The following RBM33 variants were observed in gnomAD, a reference collection of about 807,000 sequenced individuals.
RBM33 encodes RNA binding motif protein 33.
In RBM33, 28 loss-of-function variants were observed where a neutral mutation model predicts 132.6. That is an observed-to-expected ratio of 0.21 (90% CI 0.16 to 0.29). The LOEUF is 0.29. RBM33 is among the 10% of genes least tolerant of loss of function. The pLI, the probability that RBM33 is intolerant of heterozygous loss-of-function variation, is 1.00. For missense variants in RBM33, 1,291 were observed against 1,518.5 expected (o/e 0.85, Z 2.49); for synonymous variants, 634 against 593.0 (o/e 1.07, Z -1.01).
chr7:155,685,156 G>T, intron 5 of RBM33: 1 of 1,185,562 alleles, frequency 8.4e-7, no homozygotes, highest in East Asian at 2.6e-5. Flanking sequence ...ACGTATCTTT[G>T]AACTGTGAGT....
rs760791205 is a variant in RBM33 at position 155,740,036 on chromosome 7, A to G, written c.2049+10A>G. 1.3e-6 allele frequency: 2 copies of G among 1,525,848 alleles called. No homozygotes were observed. Among genetic ancestry groups the G allele is most frequent in the Non-Finnish European group, 1.8e-6 (2 of 1,130,360 alleles). 94.5% of individuals were successfully genotyped at this position (1,525,848 alleles called of 1,614,324 possible). A position where few individuals can be genotyped will look rare whatever the true frequency, so the allele number is the denominator to read the frequency against. ...CCAGGGGCTCCGGCATGTAAGTGTCAAGGGGTGTCTTCCCTGTGTCTTCCT... is the reference window on the plus strand; with the variant it reads ...CCAGGGGCTCCGGCATGTAAGTGTCGAGGGGTGTCTTCCCTGTGTCTTCCT... On this transcript the variant is annotated intron_variant, in intron 12 of 17. Transcript: ENST00000401878.
chr7:155,687,362 C>G (rs937348048), intron 5 of RBM33, among the ~76,000 whole-genome samples: 104 of 152,252 alleles, frequency 6.8e-4, no homozygotes, highest in African/African-American at 2.3e-3. Context: ...GTTCATTGTA[C>G]ATTCTGGATA....
intron 6 of RBM33, 52 bp downstream of exon 6, chr7:155,700,996 C>A: frequency 7.0e-7 from 1 of 1,425,252 alleles, no homozygotes; most frequent in Non-Finnish European, 9.8e-7. Flanking sequence ...TCAACTTCCT[C>A]CATAGTATTG....
intron 8 of RBM33, among the ~76,000 whole-genome samples, chr7:155,713,315 A>G (rs910573738): frequency 1.3e-5 from 2 of 151,956 alleles, no homozygotes; most frequent in South Asian, 4.2e-4. Context: ...GTTGTTGGTG[A>G]ATAGGTGGAT....
intron 1 of RBM33, among the ~76,000 whole-genome samples, chr7:155,650,939 G>A (rs535442503): frequency 6.6e-6 from 1 of 152,258 alleles, no homozygotes; most frequent in Non-Finnish European, 1.5e-5. Context: ...TTGTAGTGGT[G>A]TGATCTCAGC....
intron 9 of RBM33, among the ~76,000 whole-genome samples, chr7:155,736,770 A>G (rs989548355): frequency 1.3e-5 from 2 of 152,244 alleles, no homozygotes; most frequent in African/African-American, 4.8e-5. Context: ...AATAGCAAAG[A>G]TGAGCATCTT....
chr7:155,751,113 T>C (rs972380722), intron 14 of RBM33, among the ~76,000 whole-genome samples: 2 of 152,236 alleles, frequency 1.3e-5, no homozygotes, highest in Non-Finnish European at 2.9e-5. Context: ...CTGATCCGTT[T>C]TGTGGAGCTT....
intron 1 of RBM33, among the ~76,000 whole-genome samples, chr7:155,656,730 T>C (rs1798502532): frequency 6.6e-6 from 1 of 152,236 alleles, no homozygotes; most frequent in Admixed American, 6.5e-5. Context: ...CTTTTTGTCA[T>C]TAAAATATGT....
intron 9 of RBM33, among the ~76,000 whole-genome samples, chr7:155,719,137 G>C (rs1800550983): frequency 6.6e-6 from 1 of 152,014 alleles, no homozygotes; most frequent in South Asian, 2.1e-4. Context: ...TTTTGGTTCA[G>C]TGTGTAGTTT....
intron 9 of RBM33, among the ~76,000 whole-genome samples, chr7:155,727,362 C>T (rs1800823327): frequency 2.6e-5 from 4 of 152,182 alleles, no homozygotes; most frequent in Non-Finnish European, 5.9e-5. Flanking sequence ...TTTAGCTGGG[C>T]GGTGTTGTCC....
intron 5 of RBM33, among the ~76,000 whole-genome samples, chr7:155,687,465 A>G (rs1799513975): frequency 6.6e-6 from 1 of 152,184 alleles, no homozygotes; most frequent in African/African-American, 2.4e-5. Context: ...TGCTGTGCAG[A>G]AGCTCTTTAC....
chr7:155,725,002 G>T lies in RBM33; in HGVS notation c.1260+6559G>T, dbSNP rs1326515062. ...TTTGTGTACAGGTTTGTGTGTGTGT[G>T]TGTGTGTGTGTGTGTGTGTGTGTGT... On this transcript the variant is annotated intron_variant, in intron 9 of 17. Coordinates refer to ENST00000401878, the MANE Select transcript of RBM33 (RefSeq NM_053043.3). 1.2e-3 allele frequency among the ~76,000 whole-genome samples: 159 copies of T among 129,458 alleles called. 2 individuals carry two copies. Among genetic ancestry groups the T allele is most frequent in the Middle Eastern group, 7.5e-3 (2 of 268 alleles). The allele number at this position is 129,458 out of a possible 152,430, so 84.9% of individuals were successfully genotyped here. A position where few individuals can be genotyped will look rare whatever the true frequency, so the allele number is the denominator to read the frequency against.
At position 155,777,143 on chromosome 7, in the gene RBM33, C is replaced by CT. The variant is rs1802640512; in HGVS notation, c.*2108dup. 6.6e-6 allele frequency: 1 copy of CT among 152,074 alleles called. No individual in the cohort carries two copies. The highest frequency in any genetic ancestry group is 1.5e-5 in the Non-Finnish European group (1 of 67,974). 9.4% of individuals were successfully genotyped at this position (152,074 alleles called of 1,614,324 possible). Reference sequence around the variant, plus strand: ...TCTGAAAAGTAGGCATTGAAACAGACTTTTTTGTAGTCAGTGTTAATAAAA... The same window carrying CT: ...TCTGAAAAGTAGGCATTGAAACAGACTTTTTTTGTAGTCAGTGTTAATAAAA... On this transcript the variant is annotated 3_prime_UTR_variant, in exon 18 of 18. Transcript: ENST00000401878.
intron 9 of RBM33, among the ~76,000 whole-genome samples, chr7:155,718,727 TAGTG>T (rs1357902924): frequency 2.0e-5 from 3 of 152,146 alleles, no homozygotes; most frequent in Non-Finnish European, 4.4e-5. Context: ...TGCCTTATGT[TAGTG>T]AGAAAGGGCC....
At position 155,738,118 on chromosome 7, in the gene RBM33, A is replaced by G; in HGVS notation, c.1452A>G (p.Pro484=). 2 of 1,613,664 alleles carry G rather than the reference A, an allele frequency of 1.2e-6. No individual in the cohort carries two copies. Among genetic ancestry groups the G allele is most frequent in the Non-Finnish European group, 8.5e-7 (1 of 1,179,774 alleles). The change falls in exon 11 of 18, where the codon CCA becomes CCG. Residue 484 remains proline, a synonymous_variant. Coordinates refer to ENST00000401878, the MANE Select transcript of RBM33 (RefSeq NM_053043.3). ...TTCTGGAACAGCGAAGTCCCCCTCC[A>G]CCACCACCGCCTCCTACCCTTCTTA... ...HLFLEQRSPP[P]PPPPPTLLNS...
In RBM33 at chr7:155,776,997, G is replaced by A. The variant is rs926164886; in HGVS notation, c.*1956G>A. 1.1e-4 allele frequency: 16 copies of A among 152,094 alleles called. No individual in the cohort carries two copies. The highest frequency in any genetic ancestry group is 1.5e-4 in the African/African-American group (6 of 41,368). The allele number at this position is 152,094 out of a possible 1,614,324, so 9.4% of individuals were successfully genotyped here. A position where few individuals can be genotyped will look rare whatever the true frequency, so the allele number is the denominator to read the frequency against. On this transcript the variant is annotated 3_prime_UTR_variant, in exon 18 of 18. Transcript: ENST00000401878. This position sits in a 1 kb window ranked among gnomAD's most constrained non-coding sequence, Gnocchi z 4.0. The stretch of plus-strand genomic sequence containing the variant: ...CCACTGGGCAGTGGGAAGGCCTACC[G>A]ACTTACTTTATCATTGAGGGCTTAC...
chr7:155,757,330 A>G (rs1296296347), intron 14 of RBM33, among the ~76,000 whole-genome samples: 1 of 152,208 alleles, frequency 6.6e-6, no homozygotes, highest in African/African-American at 2.4e-5. Context: ...TCCTCATGCT[A>G]AGTCAAAAGG....
chr7:155,700,971 T>C, intron 6 of RBM33, 27 bp downstream of exon 6: 7 of 1,559,196 alleles, frequency 4.5e-6, no homozygotes, highest in Non-Finnish European at 6.2e-6. Context: ...TCTCCCATCC[T>C]CCTTTACTCT....
chr7:155,673,402 T>TTGTGGGTG (rs1491358812), intron 3 of RBM33, among the ~76,000 whole-genome samples: 1 of 45,176 alleles, frequency 2.2e-5, no homozygotes, highest in Admixed American at 1.4e-4. Context: ...TTTATATATA[T>TTGTGGGTG]TGTGTGTGTG....
Sources: allele counts gnomAD v4.1 joint callset (sites outside exome capture counted in the v4.1 genomes callset), GRCh38; gene constraint gnomAD v4.1.1; non-coding constraint Gnocchi (gnomAD v3.1); transcripts MANE v1.5; gene names NCBI Gene and HGNC (gene_info 2026-07-23, HGNC 2026-07-21).